Variants in FNBP1 observed in about 807,000 individuals in gnomAD.
The protein encoded by FNBP1 is formin-binding protein 1.
Under a neutral mutation model 90.6 loss-of-function variants are expected in FNBP1, and 26 were observed. That is an observed-to-expected ratio of 0.29 (90% CI 0.21 to 0.40). The LOEUF (loss-of-function observed/expected upper bound fraction) is 0.40. FNBP1 is among the 10% of genes least tolerant of loss of function. The pLI is 1.00. For synonymous variants in FNBP1, 260 were observed against 265.2 expected (o/e 0.98, Z 0.19); for missense variants, 635 against 768.0 (o/e 0.83, Z 2.05).
chr9:129,957,566 T>TC lies in FNBP1; in HGVS notation c.409-103dup. On this transcript the variant is annotated intron_variant, in intron 5 of 16. Transcript: ENST00000446176. The surrounding 1 kb of genome is among the most constrained non-coding windows in gnomAD (Gnocchi z 4.3). ...AGCATTGTTCTTTTTCTTTTTTTTT[T>TC]CTTCAGTCAGGGTCTCACTTTGTCA... 1 of 965,984 alleles carries TC rather than the reference T, an allele frequency of 1.0e-6. No homozygotes were observed. The highest frequency in any genetic ancestry group is 1.5e-6 in the Non-Finnish European group (1 of 653,090). 59.8% of individuals were successfully genotyped at this position (965,984 alleles called of 1,614,324 possible).
rs2059938101 is a variant in FNBP1 at position 130,042,668 on chromosome 9, C to T, written c.24+284G>A. The stretch of plus-strand genomic sequence containing the variant: ...AGGGCTCGGCCCGACACACACGGCC[C>T]GCTCCGGGGCGCCGGGGACAGGGAG... On this transcript the variant is annotated intron_variant, in intron 1 of 16. Transcript: ENST00000446176. The surrounding 1 kb of genome is among the most constrained non-coding windows in gnomAD (Gnocchi z 5.5). Among the ~76,000 whole-genome samples, 3 of 151,688 alleles carry T rather than the reference C, an allele frequency of 2.0e-5. No homozygotes were observed. Among genetic ancestry groups the T allele is most frequent in the African/African-American group, 4.8e-5 (2 of 41,384 alleles).
intron 4 of FNBP1, among the ~76,000 whole-genome samples, chr9:129,968,187 G>A (rs1177663998): frequency 6.6e-6 from 1 of 152,078 alleles, no homozygotes; most frequent in Admixed American, 6.6e-5. Context: ...CTGAGGTCAG[G>A]AGTTTGAGAC....
At chr9:129,942,390 C>T (rs2044459157) in intron 6 of FNBP1, among the ~76,000 whole-genome samples, 1 of 152,146 alleles carries the variant, frequency 6.6e-6, no homozygotes, top group Admixed American at 6.5e-5. Flanking sequence ...TGACTTGGGC[C>T]TCCTAGGCCA....
At chr9:129,972,647 T>A (rs1049371921) in intron 4 of FNBP1, among the ~76,000 whole-genome samples, 4 of 151,798 alleles carry the variant, frequency 2.6e-5, no homozygotes, top group African/African-American at 9.7e-5. Flanking sequence ...TTCTCCTGCC[T>A]CAGCTTCCCG....
At chr9:129,961,254 G>A (rs2047769236) in intron 4 of FNBP1, among the ~76,000 whole-genome samples, 4 of 152,046 alleles carry the variant, frequency 2.6e-5, no homozygotes, top group Admixed American at 2.0e-4. Flanking sequence ...GGAGGTTGCG[G>A]TGAGCCGAGA....
At chr9:129,903,035 T>A in intron 12 of FNBP1, 34 bp from the exon 13 acceptor site, 2 of 1,544,080 alleles carry the variant, frequency 1.3e-6, no homozygotes, top group South Asian at 1.2e-5. Flanking sequence ...GCTGTAAAGG[T>A]TACTCCATTT....
chr9:129,965,698 G>GCA (rs2048457552), intron 4 of FNBP1, among the ~76,000 whole-genome samples: 2 of 66,630 alleles, frequency 3.0e-5, no homozygotes, highest in Non-Finnish European at 5.5e-5. Flanking sequence ...ACACACACAC[G>GCA]CGCGCGCGCG....
chr9:129,932,302 A>G (rs1490412212), intron 6 of FNBP1, among the ~76,000 whole-genome samples: 1 of 151,890 alleles, frequency 6.6e-6, no homozygotes. Context: ...GGAAGAAAGA[A>G]AAGAAAAGAA....
At chr9:129,914,785 A>ATC (rs2039994231) in intron 11 of FNBP1, 1 of 145,268 alleles carries the variant, frequency 6.9e-6, no homozygotes. Context: ...ATATATATAT[A>ATC]TATATATATC....
rs1211297824 is a variant in FNBP1, at chr9:129,978,042, AC to A, written c.345+422del. ...TTTTCTTTTTTTTTTTCTTTTTGAG[AC>A]GGAGTCTTGCTCTGTCGCCCAGGTT... On this transcript the variant is annotated intron_variant, in intron 4 of 16. Transcript: ENST00000446176. Among the ~76,000 whole-genome samples the A allele has an allele frequency of 4.7e-5, 7 of 150,016 alleles. No individual in the cohort carries two copies. In the East Asian group the frequency reaches 1.4e-3, roughly 30 times the overall value.
chr9:130,019,610 T>C (rs1438505204), intron 1 of FNBP1, among the ~76,000 whole-genome samples: 3 of 152,170 alleles, frequency 2.0e-5, no homozygotes, highest in African/African-American at 7.2e-5. Context: ...AATTTGGCAA[T>C]AGTTAACTGG....
intron 10 of FNBP1, among the ~76,000 whole-genome samples, chr9:129,921,569 T>C (rs1032652939): frequency 1.3e-5 from 2 of 152,016 alleles, no homozygotes; most frequent in Non-Finnish European, 2.9e-5. Context: ...ACATTAACCA[T>C]GCCCGGCTAA....
At chr9:129,963,934 C>T (rs2048208339) in intron 4 of FNBP1, among the ~76,000 whole-genome samples, 1 of 152,054 alleles carries the variant, frequency 6.6e-6, no homozygotes, top group Admixed American at 6.6e-5. Flanking sequence ...TTCACAGTAC[C>T]TGTCCCTCTA....
At chr9:130,033,217 GC>G (rs1272148453) in intron 1 of FNBP1, among the ~76,000 whole-genome samples, 13 of 152,248 alleles carry the variant, frequency 8.5e-5, no homozygotes, top group Admixed American at 4.6e-4. Flanking sequence ...CAAGAGAAAG[GC>G]AAGCATCATA....
At chr9:129,944,346 T>A (rs1588742801) in intron 6 of FNBP1, among the ~76,000 whole-genome samples, 1 of 151,754 alleles carries the variant, frequency 6.6e-6, no homozygotes, top group Non-Finnish European at 1.5e-5. Flanking sequence ...ATCGAGACCA[T>A]CCAGGCCAAC....
upstream of FNBP1, among the ~76,000 whole-genome samples, chr9:130,046,593 A>AC (rs1296816895): frequency 6.7e-6 from 1 of 148,730 alleles, no homozygotes; most frequent in Non-Finnish European, 1.5e-5. Context: ...AAAAAAAAAA[A>AC]AAAAAAAAAA....
intron 6 of FNBP1, among the ~76,000 whole-genome samples, chr9:129,955,834 C>T (rs1377779995): frequency 1.6e-4 from 2 of 12,132 alleles, no homozygotes; most frequent in Non-Finnish European, 2.8e-4. Flanking sequence ...TCTTTTAGCG[C>T]GCACACACAC....
At position 129,948,549 on chromosome 9, in the gene FNBP1, A is replaced by AT. The variant is rs1307670702; in HGVS notation, c.513+8810dup. 4.8e-5 allele frequency among the ~76,000 whole-genome samples: 6 copies of AT among 124,118 alleles called. No homozygotes were observed. The East Asian group carries it at 1.2e-3, about 24-fold the overall frequency. 81.4% of individuals were successfully genotyped at this position (124,118 alleles called of 152,430 possible). A position where few individuals can be genotyped will look rare whatever the true frequency, so the allele number is the denominator to read the frequency against. ...TCAGCTCATTTTTTGTATTTTTGGT[A>AT]TTTTTTTTTCAAGACGGAGTTTTGC... On this transcript the variant is annotated intron_variant, in intron 6 of 16. Coordinates refer to ENST00000446176, the MANE Select transcript of FNBP1 (RefSeq NM_015033.3).
At chr9:129,984,668 T>C (rs1281516231) in intron 2 of FNBP1, among the ~76,000 whole-genome samples, 1 of 151,600 alleles carries the variant, frequency 6.6e-6, no homozygotes, top group Non-Finnish European at 1.5e-5. Flanking sequence ...AATCTCAACT[T>C]GAATTGTATC....
Sources: gnomAD v4.1 joint callset for allele counts (sites outside exome capture counted in the v4.1 genomes callset) on GRCh38, gnomAD v4.1.1 for gene constraint, Gnocchi (gnomAD v3.1) non-coding constraint, MANE v1.5 for transcripts, NCBI Gene and HGNC (gene_info 2026-07-23, HGNC 2026-07-21) for gene names.